CERS6: variants seen among roughly 807,000 people sequenced by gnomAD.
The protein encoded by CERS6 is ceramide synthase 6, also known as LAG1 homolog, ceramide synthase 6.
CERS6 carries 26 observed loss-of-function variants against 56.8 expected under a neutral mutation model. The observed-to-expected ratio is 0.46, with a 90% CI of 0.34 to 0.63. CERS6 has a LOEUF of 0.63. CERS6 is among the 30% of genes least tolerant of loss of function. The pLI is 0.01. For missense variants in CERS6, 415 were observed against 467.5 expected, an observed-to-expected ratio of 0.89 and a Z score of 1.04; for synonymous variants, 164 against 173.3, an observed-to-expected ratio of 0.95 and a Z score of 0.42.
chr2:168,616,760 C>T (rs969703913), intron 3 of CERS6, among the ~76,000 whole-genome samples: 5 of 152,130 alleles, frequency 3.3e-5, no homozygotes, highest in South Asian at 4.1e-4. Flanking sequence ...ACCTAAGAAA[C>T]GAGATAGATG....
chr2:168,608,316 G>A (rs1174833320), intron 3 of CERS6, among the ~76,000 whole-genome samples: 2 of 152,184 alleles, frequency 1.3e-5, no homozygotes, highest in Non-Finnish European at 2.9e-5. Context: ...TATGAATAAT[G>A]CTGCTGTGAA....
chr2:168,514,166 G>A (rs1188691299), intron 1 of CERS6, among the ~76,000 whole-genome samples: 1 of 152,172 alleles, frequency 6.6e-6, no homozygotes, highest in African/African-American at 2.4e-5. Context: ...TGACAGTTTA[G>A]TTACGAATAG....
At chr2:168,743,188 G>T (rs187527017) in intron 8 of CERS6, among the ~76,000 whole-genome samples, 21 of 147,804 alleles carry the variant, frequency 1.4e-4, no homozygotes, top group Non-Finnish European at 1.5e-5. Context: ...GTGTATGTGT[G>T]TGTGTATATA....
At chr2:168,630,018 G>A (rs898794179) in intron 3 of CERS6, among the ~76,000 whole-genome samples, 5 of 151,702 alleles carry the variant, frequency 3.3e-5, no homozygotes, top group South Asian at 2.1e-4. Flanking sequence ...GGATTTCACC[G>A]TGTTAACCAG....
intron 6 of CERS6, among the ~76,000 whole-genome samples, chr2:168,708,001 A>C (rs1260316402): frequency 6.6e-6 from 1 of 152,116 alleles, no homozygotes; most frequent in Non-Finnish European, 1.5e-5. Context: ...TTATTTGCAC[A>C]CATTAGTTTT....
intron 3 of CERS6, among the ~76,000 whole-genome samples, chr2:168,582,585 C>T (rs189640469): frequency 1.3e-4 from 20 of 151,394 alleles, no homozygotes; most frequent in Admixed American, 2.0e-4. Flanking sequence ...GAAAAAAAAA[C>T]GCGTGCTATG....
At chr2:168,715,271 T>C in intron 7 of CERS6, 142 bp downstream of exon 7, 1 of 577,368 alleles carries the variant, frequency 1.7e-6, no homozygotes, top group Non-Finnish European at 2.7e-6. Context: ...TGTTTCTTTG[T>C]AGGTTAAGCT....
In CERS6 at chr2:168,771,712, T is replaced by C. The variant is rs1343741172; in HGVS notation, c.*2050T>C. On this transcript the variant is annotated 3_prime_UTR_variant, in exon 10 of 10. Coordinates refer to ENST00000305747, the MANE Select transcript of CERS6 (RefSeq NM_203463.3). ...AGTCCTCTCAATGGCTAAAATTAAC[T>C]TTAGAGATCCATGTGTTCAGGTTTA... 1 of 152,190 alleles carries C rather than the reference T, an allele frequency of 6.6e-6. No homozygotes were observed. The highest frequency in any genetic ancestry group is 1.5e-5 in the Non-Finnish European group (1 of 68,028). The allele number at this position is 152,190 out of a possible 1,614,324, so 9.4% of individuals were successfully genotyped here.
intron 3 of CERS6, among the ~76,000 whole-genome samples, chr2:168,627,995 A>T (rs1684628942): frequency 6.6e-6 from 1 of 152,112 alleles, no homozygotes; most frequent in Non-Finnish European, 1.5e-5. Flanking sequence ...ATGCTCCTTT[A>T]TTCCACCTAT....
At chr2:168,679,393 T>C (rs1198698992) in intron 4 of CERS6, among the ~76,000 whole-genome samples, 1 of 151,738 alleles carries the variant, frequency 6.6e-6, no homozygotes, top group Non-Finnish European at 1.5e-5. Context: ...TTGGTCATTA[T>C]CCAATATCTA....
At chr2:168,536,996 T>C (rs1695276255) in intron 1 of CERS6, among the ~76,000 whole-genome samples, 1 of 152,216 alleles carries the variant, frequency 6.6e-6, no homozygotes, top group South Asian at 2.1e-4. Context: ...TATTTGTAAA[T>C]GCCTTTGCTT....
At chr2:168,466,563 A>G (rs1294754869) in intron 1 of CERS6, among the ~76,000 whole-genome samples, 1 of 152,254 alleles carries the variant, frequency 6.6e-6, no homozygotes, top group African/African-American at 2.4e-5. Flanking sequence ...AGAAGCAGTC[A>G]GGTACATATT....
chr2:168,546,771 T>C (rs1359340641), intron 1 of CERS6, among the ~76,000 whole-genome samples: 1 of 152,238 alleles, frequency 6.6e-6, no homozygotes, highest in East Asian at 1.9e-4. Flanking sequence ...GAGTTTTATT[T>C]CTTGAGCATT....
At chr2:168,627,754 T>C (rs2105292006) in intron 3 of CERS6, among the ~76,000 whole-genome samples, 1 of 152,218 alleles carries the variant, frequency 6.6e-6, no homozygotes, top group Admixed American at 6.5e-5. Flanking sequence ...TTTTAGTCTT[T>C]TTGTCTTTGA....
chr2:168,522,224 G>A (rs772969798), intron 1 of CERS6, among the ~76,000 whole-genome samples: 1 of 152,206 alleles, frequency 6.6e-6, no homozygotes. Flanking sequence ...GGGGATCTGT[G>A]TAGTAGGCAC....
At chr2:168,499,540 T>C (rs1421190998) in intron 1 of CERS6, among the ~76,000 whole-genome samples, 1 of 152,162 alleles carries the variant, frequency 6.6e-6, no homozygotes, top group Non-Finnish European at 1.5e-5. Flanking sequence ...GTGTAGTTGG[T>C]ACTTCTTGTA....
At chr2:168,502,202 G>C (rs1694595073) in intron 1 of CERS6, among the ~76,000 whole-genome samples, 1 of 151,922 alleles carries the variant, frequency 6.6e-6, no homozygotes, top group African/African-American at 2.4e-5. Flanking sequence ...ATTAAAATCT[G>C]TCTTTGCAGA....
At chr2:168,671,251 C>T (rs1034027168) in intron 4 of CERS6, among the ~76,000 whole-genome samples, 2 of 152,108 alleles carry the variant, frequency 1.3e-5, no homozygotes, top group African/African-American at 4.8e-5. Context: ...AGACATGAGC[C>T]GCTGGGCCCG....
chr2:168,570,264 G>A (rs918996692), intron 3 of CERS6, among the ~76,000 whole-genome samples: 3 of 152,158 alleles, frequency 2.0e-5, no homozygotes, highest in African/African-American at 7.2e-5. Context: ...AAACCAACGC[G>A]AGTTCAGAGC....
Sources: gnomAD v4.1 joint callset for allele counts (sites outside exome capture counted in the v4.1 genomes callset) on GRCh38, gnomAD v4.1.1 for gene constraint, MANE v1.5 for transcripts, NCBI Gene and HGNC (gene_info 2026-07-23, HGNC 2026-07-21) for gene names.